The following IL23R variants were observed in gnomAD, a reference collection of about 807,000 sequenced individuals.
IL23R encodes the protein interleukin-23 receptor.
Under a neutral mutation model 56.9 loss-of-function variants are expected in IL23R, and 34 were observed. The observed-to-expected ratio is 0.60, with a 90% CI of 0.45 to 0.80. IL23R has a LOEUF of 0.80. IL23R is among the 30% of genes least tolerant of loss of function. The pLI is 0.00. For synonymous variants in IL23R, 230 were observed against 249.2 expected (o/e 0.92, Z 0.73); for missense variants, 635 against 730.0 (o/e 0.87, Z 1.50).
At chr1:67,197,708 G>A (rs1230997623) in intron 4 of IL23R, among the ~76,000 whole-genome samples, 1 of 152,170 alleles carries the variant, frequency 6.6e-6, no homozygotes, top group Non-Finnish European at 1.5e-5. Flanking sequence ...ACTTTGGGAG[G>A]CCAAGGCAAG....
chr1:67,259,132 T>G lies in IL23R; in HGVS notation c.*4T>G, dbSNP rs757286659. On this transcript the variant is annotated 3_prime_UTR_variant, in exon 11 of 11. Coordinates refer to ENST00000347310, the MANE Select transcript of IL23R (RefSeq NM_144701.3). ...GATTTCACTCTTGGAAAAGTAGAGC[T>G]GTGTGGTCAAAATCAATATGAGAAA... 7 of 1,613,606 alleles carry G rather than the reference T, an allele frequency of 4.3e-6. No homozygotes were observed. The Admixed American group carries it at 1.0e-4, about 23-fold the overall frequency.
At chr1:67,206,628 G>A (rs1026862458) in intron 5 of IL23R, among the ~76,000 whole-genome samples, 25 of 150,416 alleles carry the variant, frequency 1.7e-4, no homozygotes, top group African/African-American at 5.8e-4. Context: ...TTATTAGTTA[G>A]GATTGTAAGG....
At chr1:67,248,312 C>T (rs1019871424) in intron 9 of IL23R, among the ~76,000 whole-genome samples, 1 of 152,094 alleles carries the variant, frequency 6.6e-6, no homozygotes, top group East Asian at 1.9e-4. Flanking sequence ...TTGTTTGATT[C>T]TTTTCATTCT....
chr1:67,168,261 T>A (rs979639775), intron 2 of IL23R, 71 bp downstream of exon 2: 1 of 1,116,004 alleles, frequency 9.0e-7, no homozygotes. Context: ...ATCATTTTCA[T>A]GGTTTTATGT....
chr1:67,214,019 T>TA (rs1168166629), intron 6 of IL23R, among the ~76,000 whole-genome samples: 2 of 152,142 alleles, frequency 1.3e-5, no homozygotes, highest in East Asian at 3.9e-4. Flanking sequence ...AAGAAGAAAA[T>TA]AAATCTCAGC....
chr1:67,182,559 G>A (rs1211106601), intron 3 of IL23R, among the ~76,000 whole-genome samples: 1 of 152,156 alleles, frequency 6.6e-6, no homozygotes, highest in Admixed American at 6.5e-5. Flanking sequence ...CTAGGAAAGG[G>A]AATTCCCTGA....
intron 7 of IL23R, among the ~76,000 whole-genome samples, chr1:67,230,614 AC>A (rs1468905241): frequency 6.6e-6 from 1 of 152,202 alleles, no homozygotes; most frequent in Non-Finnish European, 1.5e-5. Context: ...CATACCAAGT[AC>A]CTAAAGCCCA....
chr1:67,140,338 A>G (rs1646625134), intron 1 of IL23R, among the ~76,000 whole-genome samples: 1 of 152,230 alleles, frequency 6.6e-6, no homozygotes, highest in Non-Finnish European at 1.5e-5. Context: ...AAATGTGTAT[A>G]AACAAAGAGT....
intron 3 of IL23R, among the ~76,000 whole-genome samples, chr1:67,171,256 G>A (rs1052223664): frequency 2.0e-5 from 3 of 152,120 alleles, no homozygotes; most frequent in East Asian, 1.9e-4. Flanking sequence ...GGAAAAAAAA[G>A]GAAGCAAAAT....
chr1:67,204,188 C>T (rs575327098), intron 5 of IL23R, among the ~76,000 whole-genome samples: 7 of 152,136 alleles, frequency 4.6e-5, no homozygotes, highest in Non-Finnish European at 8.8e-5. Flanking sequence ...CTCAGCCTCC[C>T]GAGTAGCTGG....
rs1449828831 is a variant in IL23R at position 67,258,556 on chromosome 1, A to G, written c.1318A>G (p.Ile440Val). ...VDPMITEIKE[I>V]FIPEHKPTDY... ...TCCCATGATTACAGAGATAAAAGAA[A>G]TCTTCATCCCAGAACACAAGCCTAC... The change falls in exon 11 of 11, where the codon ATC becomes GTC. Residue 440 changes from isoleucine to valine, a missense_variant. By Grantham distance (29) the Ile-to-Val change is conservative (BLOSUM62 3). Coordinates refer to ENST00000347310, the MANE Select transcript of IL23R (RefSeq NM_144701.3). 2.5e-6 allele frequency: 4 copies of G among 1,608,912 alleles called. No individual in the cohort carries two copies. The highest frequency in any genetic ancestry group is 3.4e-6 in the Non-Finnish European group (4 of 1,177,556).
At chr1:67,246,904 C>T (rs937710534) in intron 9 of IL23R, among the ~76,000 whole-genome samples, 1 of 152,116 alleles carries the variant, frequency 6.6e-6, no homozygotes, top group African/African-American at 2.4e-5. Flanking sequence ...CTAATATTGA[C>T]AGTGGGGTGT....
chr1:67,264,620 AAAGG>A (rs1363181439), downstream of IL23R, among the ~76,000 whole-genome samples: 4 of 152,266 alleles, frequency 2.6e-5, no homozygotes, highest in Non-Finnish European at 5.9e-5. Context: ...AAAGTCTAAC[AAAGG>A]TTTGACAGAA....
chr1:67,211,259 GT>G (rs1429590589), intron 6 of IL23R, among the ~76,000 whole-genome samples: 1 of 152,154 alleles, frequency 6.6e-6, no homozygotes, highest in Non-Finnish European at 1.5e-5. Flanking sequence ...AATTAATGGG[GT>G]TTTATCCTAA....
At chr1:67,255,104 T>C (rs984621503) in intron 9 of IL23R, among the ~76,000 whole-genome samples, 6 of 152,244 alleles carry the variant, frequency 3.9e-5, no homozygotes, top group Admixed American at 1.3e-4. Context: ...TTTAGGGCTT[T>C]ATTATATAAC....
Position 67,198,294 on chromosome 1 carries a change from A to G in IL23R, c.492-2443A>G, listed in dbSNP as rs188750370. The stretch of plus-strand genomic sequence containing the variant: ...GAGGAGCAAAGAAGCATTCTCCAGC[A>G]CTCCTTTCGCCACCGCCTCCAACCC... On this transcript the variant is annotated intron_variant, in intron 4 of 10. Transcript: ENST00000347310. Among the ~76,000 whole-genome samples, 542 of 152,016 alleles carry G rather than the reference A, an allele frequency of 3.6e-3. 3 individuals carry two copies. Among genetic ancestry groups the G allele is most frequent in the African/African-American group, 0.012 (514 of 41,440 alleles).
chr1:67,206,311 C>G (rs781343123), intron 5 of IL23R, among the ~76,000 whole-genome samples: 18 of 152,006 alleles, frequency 1.2e-4, no homozygotes, highest in Non-Finnish European at 2.4e-4. Flanking sequence ...CCATGCCCAG[C>G]CTTTCTTTCT....
At chr1:67,205,928 T>TTTA (rs1175558161) in intron 5 of IL23R, among the ~76,000 whole-genome samples, 2 of 151,088 alleles carry the variant, frequency 1.3e-5, no homozygotes, top group African/African-American at 4.9e-5. Context: ...TCTTTCTTTT[T>TTTA]CTTTCTTTCT....
intron 8 of IL23R, among the ~76,000 whole-genome samples, chr1:67,238,738 AT>A (rs1651659576): frequency 6.6e-6 from 1 of 152,156 alleles, no homozygotes; most frequent in Non-Finnish European, 1.5e-5. Flanking sequence ...AGGGCTGTCT[AT>A]CCTCTTCCAG....
Sources: allele counts gnomAD v4.1 joint callset (sites outside exome capture counted in the v4.1 genomes callset), GRCh38; gene constraint gnomAD v4.1.1; transcripts MANE v1.5; gene names NCBI Gene and HGNC (gene_info 2026-07-23, HGNC 2026-07-21).